SLC30A9: variants seen among roughly 807,000 people sequenced by gnomAD.
The protein encoded by SLC30A9 is proton-coupled zinc antiporter SLC30A9, mitochondrial.
A neutral mutation model predicts 87.5 loss-of-function variants in SLC30A9; 58 were observed. The ratio of observed to expected loss-of-function variants is 0.66; its 90% confidence interval spans 0.54 to 0.82. The LOEUF (loss-of-function observed/expected upper bound fraction) is 0.82, where lower values mean the gene tolerates loss of function less well. Ranked by LOEUF, SLC30A9 falls within the 40% of genes least tolerant of loss-of-function variation. The pLI is 0.00. For synonymous variants in SLC30A9, 234 were observed against 233.0 expected, an observed-to-expected ratio of 1.00 and a Z score of -0.04; for missense variants, 557 against 679.1, an observed-to-expected ratio of 0.82 and a Z score of 2.00.
chr4:41,999,367 C>T (rs1303258810), intron 1 of SLC30A9, among the ~76,000 whole-genome samples: 4 of 152,114 alleles, frequency 2.6e-5, no homozygotes, highest in African/African-American at 4.8e-5. Context: ...AAATTGGTAT[C>T]ATCACTTTGT....
chr4:41,994,843 A>ATC, intron 1 of SLC30A9, among the ~76,000 whole-genome samples: 1 of 150,874 alleles, frequency 6.6e-6, no homozygotes, highest in South Asian at 2.1e-4. Flanking sequence ...AAAAAAAAAA[A>ATC]AAAGACCATT....
intron 8 of SLC30A9, among the ~76,000 whole-genome samples, chr4:42,043,282 G>T (rs2153137840): frequency 6.6e-6 from 1 of 152,192 alleles, no homozygotes; most frequent in African/African-American, 2.4e-5. Context: ...CAAGCTAAAG[G>T]AGCATGTTCC....
intron 7 of SLC30A9, among the ~76,000 whole-genome samples, chr4:42,036,263 TACCTCATCTTTTTCATC>T (rs566938728): frequency 4.3e-4 from 66 of 152,290 alleles, no homozygotes; most frequent in African/African-American, 1.5e-3. Flanking sequence ...TTCATAAAAG[TACCTCATCTTTTTCATC>T]ACCTCATCTT....
At chr4:42,061,108 A>G (rs1221814932) in intron 10 of SLC30A9, among the ~76,000 whole-genome samples, 2 of 152,152 alleles carry the variant, frequency 1.3e-5, no homozygotes, top group African/African-American at 4.8e-5. Context: ...CAGAAGGTAC[A>G]AATTTTAAAT....
At chr4:42,012,009 C>A (rs1261078144) in intron 2 of SLC30A9, among the ~76,000 whole-genome samples, 1 of 149,016 alleles carries the variant, frequency 6.7e-6, no homozygotes, top group African/African-American at 2.4e-5. Context: ...GCAGCTCTAG[C>A]CTACATTTAA....
chr4:42,068,336 C>T (rs576441355), intron 14 of SLC30A9, among the ~76,000 whole-genome samples: 43 of 152,102 alleles, frequency 2.8e-4, no homozygotes, highest in African/African-American at 1.0e-3. Flanking sequence ...CTCCACCTCC[C>T]AGGTTCAAGC....
At chr4:42,025,853 G>C (rs959216160) in intron 6 of SLC30A9, among the ~76,000 whole-genome samples, 5 of 152,086 alleles carry the variant, frequency 3.3e-5, no homozygotes, top group African/African-American at 1.2e-4. Flanking sequence ...TTTTAGTAGA[G>C]ACAGGGTTTC....
intron 17 of SLC30A9, 28 bp downstream of exon 17, chr4:42,078,353 A>G (rs750895847): frequency 6.9e-6 from 8 of 1,158,566 alleles, no homozygotes; most frequent in African/African-American, 3.1e-5. Context: ...AAATAACATA[A>G]TGATAATGGC....
chr4:42,078,094 TA>T, intron 16 of SLC30A9, 117 bp from the exon 17 acceptor site: 1 of 565,270 alleles, frequency 1.8e-6, no homozygotes, highest in Non-Finnish European at 3.1e-6. Flanking sequence ...CTTAAAGTTT[TA>T]AAAATGTTCA....
rs1480502940 is a variant in SLC30A9, at chr4:42,087,657, T to G, written c.*1531T>G. The G allele has an allele frequency of 6.6e-6, 1 of 151,448 alleles. No individual in the cohort carries two copies. The highest frequency in any genetic ancestry group is 2.4e-5 in the African/African-American group (1 of 41,270). The allele number at this position is 151,448 out of a possible 1,614,324, so 9.4% of individuals were successfully genotyped here. The stretch of plus-strand genomic sequence containing the variant: ...GCTGTACATTTTAAGTGAAATAACA[T>G]TCCAGTTTTATTTTTAAGATAGAAA... On this transcript the variant is annotated 3_prime_UTR_variant, in exon 18 of 18. Transcript: ENST00000264451.
At chr4:42,057,254 C>G (rs925559814) in intron 9 of SLC30A9, among the ~76,000 whole-genome samples, 1 of 152,166 alleles carries the variant, frequency 6.6e-6, no homozygotes, top group Non-Finnish European at 1.5e-5. Flanking sequence ...GGCTCCCACC[C>G]CACATTTCCC....
At chr4:42,060,341 A>C (rs1020129230) in intron 10 of SLC30A9, 95 bp downstream of exon 10, 1 of 929,176 alleles carries the variant, frequency 1.1e-6, no homozygotes, top group African/African-American at 1.6e-5. Flanking sequence ...ATGTACCTGC[A>C]GTTTGTTCAA....
intron 11 of SLC30A9, among the ~76,000 whole-genome samples, chr4:42,063,520 G>A (rs1183272421): frequency 6.6e-6 from 1 of 152,154 alleles, no homozygotes; most frequent in African/African-American, 2.4e-5. Flanking sequence ...TGAAGTTAAA[G>A]CTTCTCTTTT....
At chr4:41,993,611 A>T (rs1436897625) in intron 1 of SLC30A9, among the ~76,000 whole-genome samples, 1 of 152,200 alleles carries the variant, frequency 6.6e-6, no homozygotes, top group Non-Finnish European at 1.5e-5. Context: ...AATACCCCAT[A>T]TTGAGGGTGT....
intron 16 of SLC30A9, among the ~76,000 whole-genome samples, chr4:42,076,916 C>T (rs965292008): frequency 4.7e-5 from 7 of 148,992 alleles, no homozygotes; most frequent in South Asian, 2.1e-4. Flanking sequence ...GAGCCTAGAT[C>T]GTGCCACTGC....
intron 8 of SLC30A9, among the ~76,000 whole-genome samples, chr4:42,047,559 C>T (rs779098295): frequency 6.6e-6 from 1 of 152,166 alleles, no homozygotes; most frequent in South Asian, 2.1e-4. Context: ...GATTGGCGAT[C>T]ATTTAAAAGT....
intron 2 of SLC30A9, among the ~76,000 whole-genome samples, chr4:42,006,686 CAAAAAAA>C (rs61627323): frequency 3.9e-5 from 5 of 129,320 alleles, no homozygotes; most frequent in Admixed American, 7.3e-5. Flanking sequence ...GACCCTGTCT[CAAAAAAA>C]AAAAAAAAAA....
At chr4:42,013,506 C>T (rs1715542759) in intron 2 of SLC30A9, among the ~76,000 whole-genome samples, 2 of 152,060 alleles carry the variant, frequency 1.3e-5, no homozygotes, top group African/African-American at 2.4e-5. Flanking sequence ...GGTTACTAAA[C>T]CTAAATCCTT....
chr4:42,011,258 A>G (rs1715429799), intron 2 of SLC30A9, among the ~76,000 whole-genome samples: 1 of 152,252 alleles, frequency 6.6e-6, no homozygotes, highest in Non-Finnish European at 1.5e-5. Context: ...CAAGACACTT[A>G]TAAAACCATC....
Sources: gnomAD v4.1 joint callset for allele counts (sites outside exome capture counted in the v4.1 genomes callset) on GRCh38, gnomAD v4.1.1 for gene constraint, MANE v1.5 for transcripts, NCBI Gene and HGNC (gene_info 2026-07-23, HGNC 2026-07-21) for gene names.